The following SHTN1 variants were observed in gnomAD, a reference collection of about 807,000 sequenced individuals.
SHTN1 encodes shootin-1.
In SHTN1, 42 loss-of-function variants were observed where a neutral mutation model predicts 83.1. That is an observed-to-expected ratio of 0.51 (90% CI 0.39 to 0.65). SHTN1 has a LOEUF of 0.65. SHTN1 is among the 30% of genes least tolerant of loss of function. The pLI is 0.00. For synonymous variants in SHTN1, 224 were observed against 247.7 expected (o/e 0.90, Z 0.90); for missense variants, 622 against 737.8 (o/e 0.84, Z 1.82).
At chr10:116,962,767 G>A (rs1850227674) in intron 3 of SHTN1, among the ~76,000 whole-genome samples, 1 of 152,124 alleles carries the variant, frequency 6.6e-6, no homozygotes, top group Non-Finnish European at 1.5e-5. Flanking sequence ...ATCTGGTGGG[G>A]TTTTTATTTC....
intron 2 of SHTN1, among the ~76,000 whole-genome samples, chr10:116,977,503 C>A (rs1408985548): frequency 6.6e-6 from 1 of 152,158 alleles, no homozygotes; most frequent in Non-Finnish European, 1.5e-5. Flanking sequence ...CTAAGCATTA[C>A]CCACTAGGTT....
chr10:117,005,636 G>A, upstream of SHTN1: 2 of 976,492 alleles, frequency 2.0e-6, no homozygotes, highest in South Asian at 4.7e-5. Context: ...TGGGGGCGCG[G>A]TTGCAAAACC....
chr10:117,005,186 CG>C lies in SHTN1; in HGVS notation c.-108del. The C allele has an allele frequency of 6.5e-7, 1 of 1,536,376 alleles. No homozygotes were observed. Among genetic ancestry groups the C allele is most frequent in the Non-Finnish European group, 8.8e-7 (1 of 1,141,912 alleles). Reference sequence around the variant, plus strand: ...GCCGGTGGCTTGCGGCTCCACTACCCGGAAGTTGGATCCGCTCCCGCTCCTC... The same window carrying C: ...GCCGGTGGCTTGCGGCTCCACTACCCGAAGTTGGATCCGCTCCCGCTCCTC... On this transcript the variant is annotated 5_prime_UTR_variant, in exon 1 of 17. Coordinates refer to ENST00000355371, the MANE Select transcript of SHTN1 (RefSeq NM_001127211.3).
chr10:116,969,799 G>T (rs995751237), intron 2 of SHTN1, among the ~76,000 whole-genome samples: 1 of 152,060 alleles, frequency 6.6e-6, no homozygotes, highest in African/African-American at 2.4e-5. Flanking sequence ...TTATTATAAG[G>T]ACTGAATTCA....
intron 16 of SHTN1, among the ~76,000 whole-genome samples, chr10:116,893,971 T>G (rs1395914103): frequency 1.3e-5 from 2 of 152,222 alleles, no homozygotes; most frequent in Non-Finnish European, 2.9e-5. Flanking sequence ...ACTTTCCTAT[T>G]TCATTTTTCT....
chr10:116,886,245 G>A lies in SHTN1; in HGVS notation c.*99C>T. ...AAAGAACCTGTATTCTGAATACAGT[G>A]ACCAGAGCAGAATGTCTACAGCCCT... On this transcript the variant is annotated 3_prime_UTR_variant, in exon 17 of 17. Coordinates refer to ENST00000355371, the MANE Select transcript of SHTN1 (RefSeq NM_001127211.3). The A allele has an allele frequency of 6.7e-7, 1 of 1,485,546 alleles. No homozygotes were observed. The highest frequency in any genetic ancestry group is 9.1e-7 in the Non-Finnish European group (1 of 1,099,178). 92.0% of individuals were successfully genotyped at this position (1,485,546 alleles called of 1,614,324 possible).
At chr10:116,935,577 T>C (rs982685569) in intron 9 of SHTN1, among the ~76,000 whole-genome samples, 5 of 152,212 alleles carry the variant, frequency 3.3e-5, no homozygotes, top group African/African-American at 4.8e-5. Flanking sequence ...CAGTATTTTA[T>C]TGGGGATTTT....
intron 2 of SHTN1, among the ~76,000 whole-genome samples, chr10:117,026,853 C>T (rs1199838668): frequency 3.3e-5 from 5 of 152,180 alleles, no homozygotes; most frequent in Admixed American, 3.3e-4. Flanking sequence ...GCTTTGCCAC[C>T]TGCTGATTGT....
At chr10:117,056,588 T>C (rs932170981) in intron 1 of SHTN1, among the ~76,000 whole-genome samples, 1 of 152,086 alleles carries the variant, frequency 6.6e-6, no homozygotes, top group Admixed American at 6.5e-5. Context: ...GGCAGGTGGA[T>C]CACCTGAGGT....
intron 1 of SHTN1, among the ~76,000 whole-genome samples, chr10:117,054,348 T>G (rs749254212): frequency 6.6e-6 from 1 of 151,968 alleles, no homozygotes; most frequent in Non-Finnish European, 1.5e-5. Context: ...ACATCAATCT[T>G]GCTAAACAGG....
chr10:117,005,121 G>A lies in SHTN1; in HGVS notation c.-42C>T. ...GGGAATAAAAGGGAAAGAGGGAGCG[G>A]CGCGGGGCACACAGGAGGAGGGGGA... On this transcript the variant is annotated 5_prime_UTR_variant, in exon 1 of 17. Coordinates refer to ENST00000355371, the MANE Select transcript of SHTN1 (RefSeq NM_001127211.3). 6.4e-7 allele frequency: 1 copy of A among 1,570,364 alleles called. No homozygotes were observed. The highest frequency in any genetic ancestry group is 8.6e-7 in the Non-Finnish European group (1 of 1,157,050).
At chr10:117,001,329 T>G (rs1851816407) in intron 1 of SHTN1, among the ~76,000 whole-genome samples, 3 of 152,184 alleles carry the variant, frequency 2.0e-5, no homozygotes, top group Admixed American at 2.0e-4. Flanking sequence ...CATAAAATGT[T>G]TTGAAGTAAT....
At chr10:116,893,447 A>G (rs1368564214) in intron 16 of SHTN1, among the ~76,000 whole-genome samples, 1 of 152,102 alleles carries the variant, frequency 6.6e-6, no homozygotes, top group Non-Finnish European at 1.5e-5. Context: ...TTAATTGTAT[A>G]AGAGCATCAG....
At chr10:116,923,908 G>C (rs938552594) in intron 11 of SHTN1, among the ~76,000 whole-genome samples, 2 of 151,926 alleles carry the variant, frequency 1.3e-5, no homozygotes, top group Non-Finnish European at 2.9e-5. Context: ...TTCTACGTTT[G>C]CTTATATTAT....
intron 2 of SHTN1, among the ~76,000 whole-genome samples, chr10:117,033,717 A>G: frequency 1.2e-5 from 1 of 80,526 alleles, no homozygotes. Flanking sequence ...AGACAAAGGC[A>G]CATCAAAAAA....
At chr10:116,903,542 C>T (rs1234078377) in intron 15 of SHTN1, among the ~76,000 whole-genome samples, 1 of 152,016 alleles carries the variant, frequency 6.6e-6, no homozygotes, top group Non-Finnish European at 1.5e-5. Context: ...AAAAAAAAGG[C>T]CTTTTCCTCC....
intron 8 of SHTN1, among the ~76,000 whole-genome samples, chr10:116,943,908 A>T (rs1199452775): frequency 6.6e-6 from 1 of 151,966 alleles, no homozygotes; most frequent in Non-Finnish European, 1.5e-5. Context: ...CCATTGGTGA[A>T]CTCCTCATCC....
chr10:116,984,735 T>C (rs1459271515), intron 1 of SHTN1, among the ~76,000 whole-genome samples: 1 of 152,172 alleles, frequency 6.6e-6, no homozygotes, highest in Non-Finnish European at 1.5e-5. Context: ...CTTCCTTCTA[T>C]CCCAAGGGCA....
intron 2 of SHTN1, among the ~76,000 whole-genome samples, chr10:117,018,108 A>G (rs1426022023): frequency 6.6e-6 from 1 of 152,186 alleles, no homozygotes; most frequent in Admixed American, 6.5e-5. Context: ...GGATCCTGGA[A>G]CAGAAAAAGG....
Sources: gnomAD v4.1 joint callset for allele counts (sites outside exome capture counted in the v4.1 genomes callset) on GRCh38, gnomAD v4.1.1 for gene constraint, MANE v1.5 for transcripts, NCBI Gene and HGNC (gene_info 2026-07-23, HGNC 2026-07-21) for gene names.